The following CHRM3 variants were observed in gnomAD, a reference collection of about 807,000 sequenced individuals.
The protein encoded by CHRM3 is muscarinic acetylcholine receptor M3.
In CHRM3, 11 loss-of-function variants were observed where a neutral mutation model predicts 41.8. That is an observed-to-expected ratio of 0.26 (90% CI 0.17 to 0.44). CHRM3 has a LOEUF of 0.44. CHRM3 is among the 20% of genes least tolerant of loss of function. The pLI is 1.00. For missense variants in CHRM3, 571 were observed against 745.4 expected (o/e 0.77, Z 2.72); for synonymous variants, 297 against 301.4 (o/e 0.99, Z 0.15).
chr1:239,739,022 G>A (rs1484266841), intron 5 of CHRM3, among the ~76,000 whole-genome samples: 1 of 152,130 alleles, frequency 6.6e-6, no homozygotes, highest in East Asian at 1.9e-4. Context: ...GATTTCAATC[G>A]TTTTGTTAAT....
At chr1:239,545,521 T>A (rs1659206327) in intron 2 of CHRM3, 120 bp from the exon 3 acceptor site, 1 of 152,174 alleles carries the variant, frequency 6.6e-6, no homozygotes, top group Admixed American at 6.5e-5. Flanking sequence ...TTCTGTTGGG[T>A]TGCTTGTCAA....
At chr1:239,739,088 T>C (rs1664628601) in intron 5 of CHRM3, among the ~76,000 whole-genome samples, 1 of 152,182 alleles carries the variant, frequency 6.6e-6, no homozygotes, top group African/African-American at 2.4e-5. Flanking sequence ...GATTCTATCT[T>C]GGGACATGAT....
intron 1 of CHRM3, among the ~76,000 whole-genome samples, chr1:239,452,837 G>C (rs948410679): frequency 2.0e-5 from 3 of 151,936 alleles, no homozygotes; most frequent in African/African-American, 7.3e-5. Flanking sequence ...GTCTTACTCT[G>C]TCACCCAGGC....
At chr1:239,520,966 C>T (rs1204031780) in intron 2 of CHRM3, among the ~76,000 whole-genome samples, 1 of 150,722 alleles carries the variant, frequency 6.6e-6, no homozygotes, top group Admixed American at 6.6e-5. Context: ...TTATAGAGCA[C>T]AGAAAAAAAA....
At chr1:239,563,617 A>G (rs187414324) in intron 3 of CHRM3, among the ~76,000 whole-genome samples, 1 of 152,272 alleles carries the variant, frequency 6.6e-6, no homozygotes, top group Admixed American at 6.5e-5. Context: ...GATTTGTTTC[A>G]AGAGAAGGAG....
intron 6 of CHRM3, among the ~76,000 whole-genome samples, chr1:239,887,860 A>G (rs943508984): frequency 1.3e-5 from 2 of 152,208 alleles, no homozygotes; most frequent in African/African-American, 4.8e-5. Flanking sequence ...GGTGTTTTAT[A>G]TTCATAATTT....
intron 1 of CHRM3, among the ~76,000 whole-genome samples, chr1:239,394,976 C>T (rs1463639756): frequency 1.3e-5 from 2 of 152,300 alleles, no homozygotes; most frequent in East Asian, 3.9e-4. Flanking sequence ...TCTCATCCAC[C>T]TTCATGAGGT....
At chr1:239,393,335 A>G (rs1029129539) in intron 1 of CHRM3, among the ~76,000 whole-genome samples, 10 of 152,176 alleles carry the variant, frequency 6.6e-5, no homozygotes, top group Admixed American at 5.2e-4. Context: ...CAATTTTCTT[A>G]GTGCAAAATA....
intron 4 of CHRM3, among the ~76,000 whole-genome samples, chr1:239,658,208 A>G (rs968107305): frequency 6.6e-6 from 1 of 152,208 alleles, no homozygotes; most frequent in African/African-American, 2.4e-5. Flanking sequence ...CAATAAAGCG[A>G]GTTTACTATC....
intron 1 of CHRM3, among the ~76,000 whole-genome samples, chr1:239,401,735 C>A (rs1659995986): frequency 6.6e-6 from 1 of 152,118 alleles, no homozygotes; most frequent in Non-Finnish European, 1.5e-5. Flanking sequence ...TCAGGCGATC[C>A]ACCCTCCTTG....
At chr1:239,691,830 T>C (rs1240093611) in intron 5 of CHRM3, among the ~76,000 whole-genome samples, 2 of 152,142 alleles carry the variant, frequency 1.3e-5, no homozygotes, top group Admixed American at 1.3e-4. Context: ...GACTCAAGGC[T>C]TACAAGCTCC....
In CHRM3 at chr1:239,423,384, C is replaced by T. The variant is rs531856570; in HGVS notation, c.-521+36157C>T. 5.3e-5 allele frequency among the ~76,000 whole-genome samples: 8 copies of T among 152,294 alleles called. No individual in the cohort carries two copies. In the South Asian group the frequency reaches 1.4e-3, roughly 28 times the overall value. ...TAATAAAAACTCTTTACCACATACACTCAAAGGCCACCTGGATTCCATTTA... is the reference window on the plus strand; with the variant it reads ...TAATAAAAACTCTTTACCACATACATTCAAAGGCCACCTGGATTCCATTTA... On this transcript the variant is annotated intron_variant, in intron 1 of 6. Transcript: ENST00000676153.
chr1:239,441,449 C>T (rs918258189), intron 1 of CHRM3, among the ~76,000 whole-genome samples: 3 of 152,184 alleles, frequency 2.0e-5, no homozygotes, highest in Non-Finnish European at 2.9e-5. Context: ...TGCTTCATTT[C>T]TCATACAGAA....
intron 6 of CHRM3, among the ~76,000 whole-genome samples, chr1:239,878,601 A>AT (rs75230997): frequency 1.6e-3 from 227 of 146,432 alleles, no homozygotes; most frequent in Middle Eastern, 7.1e-3. Flanking sequence ...AGTATTTTAA[A>AT]TTTTTTTTTT....
At chr1:239,520,001 C>T (rs934394718) in intron 2 of CHRM3, among the ~76,000 whole-genome samples, 1 of 152,070 alleles carries the variant, frequency 6.6e-6, no homozygotes, top group South Asian at 2.1e-4. Context: ...CTCGCCTCGG[C>T]CTCCCAAAGC....
intron 1 of CHRM3, among the ~76,000 whole-genome samples, chr1:239,404,434 GAAAGAAAGAAAGAAAGAA>G (rs1558195969): frequency 8.6e-6 from 1 of 116,210 alleles, no homozygotes; most frequent in African/African-American, 3.1e-5. Flanking sequence ...AAGAAAGAAA[GAAAGAAAGAAAGAAAGAA>G]AGAAAGAAAG....
At chr1:239,869,208 C>T (rs749979261) in intron 6 of CHRM3, among the ~76,000 whole-genome samples, 1 of 152,096 alleles carries the variant, frequency 6.6e-6, no homozygotes, top group Non-Finnish European at 1.5e-5. Flanking sequence ...GCAGGACACC[C>T]AGCAGCGTGC....
chr1:239,470,842 A>G (rs1666066929), intron 1 of CHRM3, among the ~76,000 whole-genome samples: 1 of 152,116 alleles, frequency 6.6e-6, no homozygotes, highest in Non-Finnish European at 1.5e-5. Flanking sequence ...CACCTTCCCA[A>G]TAAAGTGTCA....
At chr1:239,516,903 A>G (rs1375487290) in intron 2 of CHRM3, among the ~76,000 whole-genome samples, 2 of 151,882 alleles carry the variant, frequency 1.3e-5, no homozygotes, top group Non-Finnish European at 2.9e-5. Context: ...TAGGTTGCAC[A>G]CTCCTTATGT....
Sources: allele counts gnomAD v4.1 joint callset (sites outside exome capture counted in the v4.1 genomes callset), GRCh38; gene constraint gnomAD v4.1.1; transcripts MANE v1.5; gene names NCBI Gene and HGNC (gene_info 2026-07-23, HGNC 2026-07-21).